The following TBC1D31 variants were observed in gnomAD, a reference collection of about 807,000 sequenced individuals.
TBC1D31 encodes the protein WD repeat domain 67.
TBC1D31 carries 99 observed loss-of-function variants against 132.9 expected under a neutral mutation model. The observed-to-expected ratio is 0.74, with a 90% CI of 0.63 to 0.88. The LOEUF (loss-of-function observed/expected upper bound fraction) is 0.88. Ranked by LOEUF, TBC1D31 falls within the 40% of genes least tolerant of loss-of-function variation. TBC1D31 has a pLI of 0.00. For missense variants in TBC1D31, 1,134 were observed against 1,256.6 expected (o/e 0.90, Z 1.48); for synonymous variants, 385 against 419.4 (o/e 0.92, Z 1.00).
chr8:123,161,990 C>T, the TBC1D31 span, among the ~76,000 whole-genome samples: 1 of 136,492 alleles, frequency 7.3e-6, no homozygotes, highest in Non-Finnish European at 1.5e-5. Context: ...TGCACTCCAG[C>T]CTGGATAACA....
chr8:123,153,443 CTG>C (rs1448459862), downstream of TBC1D31, among the ~76,000 whole-genome samples: 5 of 152,138 alleles, frequency 3.3e-5, no homozygotes, highest in Non-Finnish European at 2.9e-5. Flanking sequence ...AAAAAAGTTC[CTG>C]TTCATTCAGT....
At chr8:123,162,857 G>A in the TBC1D31 span, among the ~76,000 whole-genome samples, 1 of 151,602 alleles carries the variant, frequency 6.6e-6, no homozygotes, top group African/African-American at 2.4e-5. Context: ...TTTTTAGATG[G>A]CGTCTCACTC....
intron 4 of TBC1D31, among the ~76,000 whole-genome samples, chr8:123,089,883 T>G (rs1214935537): frequency 5.9e-5 from 9 of 152,262 alleles, no homozygotes; most frequent in African/African-American, 2.4e-5. Context: ...TATATTTGAG[T>G]ATGGGGCATT....
chr8:123,144,005 C>A (rs1821941079), intron 19 of TBC1D31, among the ~76,000 whole-genome samples: 1 of 152,118 alleles, frequency 6.6e-6, no homozygotes, highest in South Asian at 2.1e-4. Context: ...TCAGAATCAG[C>A]CCCCTCATCA....
intron 21 of TBC1D31, among the ~76,000 whole-genome samples, chr8:123,151,438 T>C (rs931627769): frequency 6.6e-6 from 1 of 152,210 alleles, no homozygotes. Context: ...GTAATCATGG[T>C]GTATATTTCA....
chr8:123,158,532 T>C, the TBC1D31 span, among the ~76,000 whole-genome samples: 2 of 152,132 alleles, frequency 1.3e-5, no homozygotes, highest in African/African-American at 4.8e-5. Flanking sequence ...GAGAGGTTCG[T>C]GTGGACCTAG....
At chr8:123,115,135 CT>C (rs1818793374) in intron 10 of TBC1D31, among the ~76,000 whole-genome samples, 1 of 152,048 alleles carries the variant, frequency 6.6e-6, no homozygotes, top group South Asian at 2.1e-4. Flanking sequence ...TTCATTTTTT[CT>C]TTCTCTCTCA....
chr8:123,090,133 T>A (rs948596560), intron 4 of TBC1D31, among the ~76,000 whole-genome samples: 1 of 152,268 alleles, frequency 6.6e-6, no homozygotes, highest in African/African-American at 2.4e-5. Context: ...TTATTTAGTA[T>A]GTTCCATGAA....
the TBC1D31 span, among the ~76,000 whole-genome samples, chr8:123,161,662 T>C: frequency 6.6e-6 from 1 of 152,184 alleles, no homozygotes; most frequent in South Asian, 2.1e-4. Context: ...AAGACGTAAT[T>C]ACCAGTGTAT....
intron 16 of TBC1D31, among the ~76,000 whole-genome samples, chr8:123,133,356 C>G (rs1010875161): frequency 1.3e-5 from 2 of 152,220 alleles, no homozygotes; most frequent in Non-Finnish European, 2.9e-5. Flanking sequence ...TGAGCTAGCT[C>G]CTTTCCCAAT....
intron 5 of TBC1D31, among the ~76,000 whole-genome samples, chr8:123,096,838 A>G (rs1181422921): frequency 1.3e-5 from 2 of 152,230 alleles, no homozygotes; most frequent in African/African-American, 2.4e-5. Flanking sequence ...AGCAGGAAAA[A>G]AGTTTGGGCT....
In TBC1D31 at chr8:123,084,348, AG is replaced by A. The variant is rs751336230; in HGVS notation, c.519+13del. ...TCTGTGGGTATACAGAAGGTCAGTG[AG>A]GGGGTACATCTTGGTCTGTTGTGCT... is the stretch of plus-strand genomic sequence containing the variant. On this transcript the variant is annotated intron_variant, in intron 4 of 21. Coordinates refer to ENST00000287380, the MANE Select transcript of TBC1D31 (RefSeq NM_145647.4). 1.2e-6 allele frequency: 2 copies of A among 1,613,490 alleles called. No individual in the cohort carries two copies. Among genetic ancestry groups the A allele is most frequent in the Non-Finnish European group, 8.5e-7 (1 of 1,179,648 alleles).
At chr8:123,137,970 T>C (rs1401384066) in intron 17 of TBC1D31, among the ~76,000 whole-genome samples, 1 of 152,222 alleles carries the variant, frequency 6.6e-6, no homozygotes, top group Non-Finnish European at 1.5e-5. Context: ...CTTTTCCCTT[T>C]GGCCTAAAAA....
At chr8:123,077,899 T>C (rs948827631) in intron 2 of TBC1D31, among the ~76,000 whole-genome samples, 3 of 151,922 alleles carry the variant, frequency 2.0e-5, no homozygotes, top group Non-Finnish European at 2.9e-5. Context: ...AATACAAAAA[T>C]TAGCTGGGTG....
the TBC1D31 span, among the ~76,000 whole-genome samples, chr8:123,162,411 G>C: frequency 6.6e-6 from 1 of 151,992 alleles, no homozygotes; most frequent in African/African-American, 2.4e-5. Context: ...TTTCCCTTGC[G>C]GCAAATGGAC....
intron 21 of TBC1D31, among the ~76,000 whole-genome samples, chr8:123,151,337 G>A (rs949496497): frequency 3.3e-5 from 5 of 152,118 alleles, no homozygotes; most frequent in Non-Finnish European, 7.4e-5. Context: ...TGGACATGTT[G>A]TAGTATTTTA....
chr8:123,123,546 A>G (rs1429478785), intron 11 of TBC1D31: 5 of 98,490 alleles, frequency 5.1e-5, no homozygotes, highest in African/African-American at 2.1e-4. Context: ...AGAAGTATGC[A>G]AAGCCAAAGA....
intron 17 of TBC1D31, among the ~76,000 whole-genome samples, chr8:123,137,812 G>A (rs1292301223): frequency 6.6e-6 from 1 of 152,156 alleles, no homozygotes; most frequent in African/African-American, 2.4e-5. Flanking sequence ...AGTATTCCAG[G>A]GGCTTAGAGA....
At chr8:123,097,611 T>G (rs1431036731) in intron 6 of TBC1D31, 170 bp downstream of exon 6, 2 of 664,900 alleles carry the variant, frequency 3.0e-6, no homozygotes, top group South Asian at 3.1e-5. Flanking sequence ...TTCAAAATCT[T>G]GTATTCTTTA....
Sources: gnomAD v4.1 joint callset for allele counts (sites outside exome capture counted in the v4.1 genomes callset) on GRCh38, gnomAD v4.1.1 for gene constraint, MANE v1.5 for transcripts, NCBI Gene and HGNC (gene_info 2026-07-23, HGNC 2026-07-21) for gene names.